SHISA9: variants seen among roughly 807,000 people sequenced by gnomAD.
SHISA9 encodes protein shisa-9.
In SHISA9, 13 loss-of-function variants were observed where a neutral mutation model predicts 38.0. The ratio of observed to expected loss-of-function variants is 0.34; its 90% CI spans 0.22 to 0.54. The LOEUF (loss-of-function observed/expected upper bound fraction) is 0.54, where lower values mean the gene tolerates loss of function less well. SHISA9 is among the 20% of genes least tolerant of loss of function. The pLI is 0.91. For missense variants in SHISA9, 538 were observed against 575.8 expected (o/e 0.93, Z 0.67); for synonymous variants, 275 against 242.0 (o/e 1.14, Z -1.27).
intron 2 of SHISA9, among the ~76,000 whole-genome samples, chr16:13,148,199 A>G (rs989682405): frequency 3.9e-5 from 6 of 151,908 alleles, no homozygotes; most frequent in Non-Finnish European, 4.4e-5. Context: ...TGCACATCAC[A>G]TTTCCTACAT....
the SHISA9 span, among the ~76,000 whole-genome samples, chr16:13,421,740 A>G: frequency 6.6e-6 from 1 of 152,206 alleles, no homozygotes. Flanking sequence ...ACACACAGTA[A>G]GTATCAACAA....
chr16:13,559,614 C>G, the SHISA9 span, among the ~76,000 whole-genome samples: 53 of 152,116 alleles, frequency 3.5e-4, no homozygotes, highest in Non-Finnish European at 3.7e-4. Flanking sequence ...AACTCCTCAT[C>G]TCAAGCAAAC....
chr16:13,084,950 A>T (rs1255885936), intron 2 of SHISA9, among the ~76,000 whole-genome samples: 2 of 152,208 alleles, frequency 1.3e-5, no homozygotes, highest in African/African-American at 4.8e-5. Context: ...GCTGGAGATC[A>T]TGGTGAGAAT....
the SHISA9 span, among the ~76,000 whole-genome samples, chr16:13,260,374 C>G: frequency 6.6e-6 from 1 of 152,054 alleles, no homozygotes; most frequent in African/African-American, 2.4e-5. Flanking sequence ...TTAAGCTCTG[C>G]TTCCCTTATA....
chr16:13,335,991 C>T, the SHISA9 span, among the ~76,000 whole-genome samples: 1 of 152,234 alleles, frequency 6.6e-6, no homozygotes, highest in Non-Finnish European at 1.5e-5. Flanking sequence ...CGCCTGACAA[C>T]CGCCCATCTG....
At chr16:13,043,817 C>G (rs2073158910) in intron 2 of SHISA9, among the ~76,000 whole-genome samples, 1 of 152,222 alleles carries the variant, frequency 6.6e-6, no homozygotes, top group African/African-American at 2.4e-5. Context: ...TGAAATTCCT[C>G]TCTCCTGGAT....
intron 4 of SHISA9, among the ~76,000 whole-genome samples, chr16:13,231,963 A>T (rs968008586): frequency 6.6e-6 from 1 of 152,210 alleles, no homozygotes; most frequent in African/African-American, 2.4e-5. Context: ...GTCAAGCGGG[A>T]GAAATAGTCC....
At chr16:13,270,108 C>A in the SHISA9 span, among the ~76,000 whole-genome samples, 1 of 152,130 alleles carries the variant, frequency 6.6e-6, no homozygotes, top group African/African-American at 2.4e-5. Flanking sequence ...GGAGCAATGC[C>A]CTGCCTTGCT....
the SHISA9 span, among the ~76,000 whole-genome samples, chr16:13,424,599 A>T: frequency 6.6e-5 from 10 of 152,234 alleles, 1 homozygote; most frequent in Admixed American, 4.6e-4. Flanking sequence ...TCCCGTCAGA[A>T]GTCCCTTACT....
At chr16:13,359,768 G>A in the SHISA9 span, among the ~76,000 whole-genome samples, 3 of 152,192 alleles carry the variant, frequency 2.0e-5, no homozygotes, top group Non-Finnish European at 4.4e-5. Context: ...CTTTCCTTGT[G>A]TGAAGCAGGT....
the SHISA9 span, among the ~76,000 whole-genome samples, chr16:13,531,955 CGAA>C: frequency 6.6e-6 from 1 of 152,146 alleles, no homozygotes; most frequent in Non-Finnish European, 1.5e-5. Flanking sequence ...AGTGATGACA[CGAA>C]GAAGAAGAAA....
chr16:13,050,805 A>G (rs76482300), intron 2 of SHISA9, among the ~76,000 whole-genome samples: 1 of 152,162 alleles, frequency 6.6e-6, no homozygotes, highest in Non-Finnish European at 1.5e-5. Flanking sequence ...TCTGTGCTCA[A>G]GCTGTTTTTA....
the SHISA9 span, among the ~76,000 whole-genome samples, chr16:13,561,402 C>G: frequency 6.6e-6 from 1 of 152,172 alleles, no homozygotes; most frequent in Non-Finnish European, 1.5e-5. Flanking sequence ...GAGAGATTCC[C>G]ATAACTTCAT....
At chr16:13,012,517 A>C (rs2072691097) in intron 2 of SHISA9, among the ~76,000 whole-genome samples, 1 of 152,162 alleles carries the variant, frequency 6.6e-6, no homozygotes, top group Non-Finnish European at 1.5e-5. Context: ...ATGAGACCAA[A>C]CAACTGGACA....
At chr16:13,002,609 T>C (rs2072539741) in intron 2 of SHISA9, among the ~76,000 whole-genome samples, 1 of 148,712 alleles carries the variant, frequency 6.7e-6, no homozygotes, top group Non-Finnish European at 1.5e-5. Flanking sequence ...CTCGGATCAC[T>C]GCAACCTCCA....
the SHISA9 span, among the ~76,000 whole-genome samples, chr16:13,484,964 T>C: frequency 6.6e-6 from 1 of 151,848 alleles, no homozygotes; most frequent in Non-Finnish European, 1.5e-5. Flanking sequence ...ACCATATCAG[T>C]AAGCTCCTGC....
the SHISA9 span, among the ~76,000 whole-genome samples, chr16:13,365,068 T>A: frequency 6.6e-6 from 1 of 152,122 alleles, no homozygotes; most frequent in Non-Finnish European, 1.5e-5. Context: ...AAAGTAATAA[T>A]AATAGCTGGC....
intron 2 of SHISA9, among the ~76,000 whole-genome samples, chr16:13,100,471 T>C (rs1225636152): frequency 1.3e-5 from 2 of 152,120 alleles, no homozygotes; most frequent in Non-Finnish European, 2.9e-5. Context: ...GTGTAGCAGG[T>C]TGCACAGGAC....
chr16:13,170,496 G>A (rs945779635), intron 2 of SHISA9, among the ~76,000 whole-genome samples: 3 of 152,202 alleles, frequency 2.0e-5, no homozygotes, highest in African/African-American at 7.2e-5. Context: ...CCTGCCAGGG[G>A]TGGTGTGGAG....
Sources: allele counts gnomAD v4.1 joint callset (sites outside exome capture counted in the v4.1 genomes callset), GRCh38; gene constraint gnomAD v4.1.1; transcripts MANE v1.5; gene names NCBI Gene and HGNC (gene_info 2026-07-23, HGNC 2026-07-21).